The following BMPR1B variants were observed in gnomAD, a reference collection of about 807,000 sequenced individuals.
The protein encoded by BMPR1B is bone morphogenetic protein receptor type 1B, also known as bone morphogenetic protein receptor type-1B.
In BMPR1B, 12 loss-of-function variants were observed where a neutral mutation model predicts 59.1. That is an observed-to-expected ratio of 0.20 (90% confidence interval 0.13 to 0.33). The LOEUF is 0.33. Ranked by LOEUF, BMPR1B falls within the 10% of genes least tolerant of loss-of-function variation. The probability of loss-of-function intolerance (pLI) is 1.00; values close to 1 mark genes in which losing one functional copy is unlikely to be tolerated. For missense variants in BMPR1B, 550 were observed against 610.9 expected (o/e 0.90, Z 1.05); for synonymous variants, 237 against 207.3 (o/e 1.14, Z -1.23).
At chr4:94,947,233 G>A (rs1729751264) in intron 2 of BMPR1B, among the ~76,000 whole-genome samples, 1 of 152,308 alleles carries the variant, frequency 6.6e-6, no homozygotes, top group Non-Finnish European at 1.5e-5. Context: ...AACTCCAGAA[G>A]GAAATTCCAA....
chr4:94,907,317 C>G lies in BMPR1B; in HGVS notation c.-113+31417C>G, dbSNP rs143473853. Among the ~76,000 whole-genome samples the G allele has an allele frequency of 7.0e-4, 106 of 152,020 alleles. 1 individual carries two copies. In the East Asian group the frequency reaches 0.019, roughly 27 times the overall value. ...AGAAAGGCATCTTTTTGTTTTTGACCCAGAATGGCATTGCCTATAACAGGT... is the reference window on the plus strand; with the variant it reads ...AGAAAGGCATCTTTTTGTTTTTGACGCAGAATGGCATTGCCTATAACAGGT... On this transcript the variant is annotated intron_variant, in intron 2 of 12. Coordinates refer to ENST00000515059, the MANE Select transcript of BMPR1B (RefSeq NM_001203.3).
intron 1 of BMPR1B, among the ~76,000 whole-genome samples, chr4:94,834,646 G>GTGTAGTTTAGAACCTTA (rs1560506551): frequency 3.3e-5 from 5 of 151,924 alleles, no homozygotes; most frequent in Non-Finnish European, 1.5e-5. Context: ...TTGAGGATTG[G>GTGTAGTTTAGAACCTTA]TGTAGTTTAG....
rs549361208 is a variant in BMPR1B at position 95,130,286 on chromosome 4, T to C, written c.778+232T>C. ...GCTGGAAATGGAATACTCTCAAATA[T>C]TTTTTCTTCAGAAACAGGAAATGCG... On this transcript the variant is annotated intron_variant, in intron 9 of 12. Transcript: ENST00000515059. 5.9e-5 allele frequency among the ~76,000 whole-genome samples: 9 copies of C among 152,252 alleles called. No homozygotes were observed. In the East Asian group the frequency reaches 1.7e-3, roughly 29 times the overall value.
chr4:94,867,486 G>A (rs1278885019), intron 1 of BMPR1B, among the ~76,000 whole-genome samples: 1 of 152,110 alleles, frequency 6.6e-6, no homozygotes, highest in Non-Finnish European at 1.5e-5. Context: ...TTAATTCTGA[G>A]TTCTTCTACT....
chr4:94,838,928 T>C lies in BMPR1B; in HGVS notation c.-182-36903T>C, dbSNP rs1380104808. Among the ~76,000 whole-genome samples the C allele has an allele frequency of 1.4e-5, 2 of 140,638 alleles. 1 individual carries two copies. Among genetic ancestry groups the C allele is most frequent in the Non-Finnish European group, 3.1e-5 (2 of 64,050 alleles). The allele number at this position is 140,638 out of a possible 152,430, so 92.3% of individuals were successfully genotyped here. On this transcript the variant is annotated intron_variant, in intron 1 of 12. Coordinates refer to ENST00000515059, the MANE Select transcript of BMPR1B (RefSeq NM_001203.3). ...ATAAATTTCTCTCTACACACTGCTT[T>C]GAATGCGTCCCAGAGATTCTGGTAT...
At chr4:95,110,540 G>A (rs1306041557) in intron 4 of BMPR1B, among the ~76,000 whole-genome samples, 4 of 152,078 alleles carry the variant, frequency 2.6e-5, no homozygotes, top group Admixed American at 6.6e-5. Flanking sequence ...TGTATTTCAC[G>A]CTATATTCCG....
Position 94,767,017 on chromosome 4 carries a change from G to C in BMPR1B, c.-183+8949G>C, listed in dbSNP as rs187136043. On this transcript the variant is annotated intron_variant, in intron 1 of 12. Transcript: ENST00000515059. ...AAGCAGTTGGCAATTCTGTTTAAAA[G>C]ACCTGGAGTAGGTGACCTCAGGTTG... Among the ~76,000 whole-genome samples, 16 of 152,200 alleles carry C rather than the reference G, an allele frequency of 1.1e-4. No homozygotes were observed. The East Asian group carries it at 2.7e-3, about 26-fold the overall frequency.
At chr4:94,976,069 A>G (rs567564116) in intron 2 of BMPR1B, among the ~76,000 whole-genome samples, 1 of 152,174 alleles carries the variant, frequency 6.6e-6, no homozygotes, top group Non-Finnish European at 1.5e-5. Context: ...CAGCGACTAG[A>G]GTTGGAATAG....
rs1043708010 is a variant in BMPR1B, at chr4:94,858,534, A to G, written c.-182-17297A>G. Among the ~76,000 whole-genome samples, 4 of 152,320 alleles carry G rather than the reference A, an allele frequency of 2.6e-5. No homozygotes were observed. In the East Asian group the frequency reaches 7.7e-4, roughly 29 times the overall value. On this transcript the variant is annotated intron_variant, in intron 1 of 12. Transcript: ENST00000515059. Reference sequence around the variant, plus strand: ...GATGTGGCAAGAGATATTTTGACCAAATTTTTAGTGATATACATGAGTTAG... The same window carrying G: ...GATGTGGCAAGAGATATTTTGACCAGATTTTTAGTGATATACATGAGTTAG...
intron 3 of BMPR1B, among the ~76,000 whole-genome samples, chr4:95,004,599 C>T (rs1161774933): frequency 6.6e-6 from 1 of 152,116 alleles, no homozygotes; most frequent in East Asian, 1.9e-4. Flanking sequence ...ATATATTCCT[C>T]AGGTGAATAT....
At chr4:94,946,569 T>C (rs1032048661) in intron 2 of BMPR1B, among the ~76,000 whole-genome samples, 1 of 152,198 alleles carries the variant, frequency 6.6e-6, no homozygotes, top group African/African-American at 2.4e-5. Context: ...GTGGCAAGAA[T>C]TGAACCTTAA....
chr4:95,125,703 T>A (rs1159429197), intron 8 of BMPR1B, among the ~76,000 whole-genome samples: 1 of 152,206 alleles, frequency 6.6e-6, no homozygotes, highest in African/African-American at 2.4e-5. Flanking sequence ...ATTAATGAAT[T>A]AGATGCTCTT....
intron 11 of BMPR1B, among the ~76,000 whole-genome samples, chr4:95,151,172 G>A (rs1735015502): frequency 6.6e-6 from 1 of 152,160 alleles, no homozygotes; most frequent in Admixed American, 6.5e-5. Flanking sequence ...AGAGTTAAAT[G>A]GCAGCTAACA....
chr4:94,927,943 G>A (rs552421390), intron 2 of BMPR1B, among the ~76,000 whole-genome samples: 230 of 152,202 alleles, frequency 1.5e-3, no homozygotes, highest in Non-Finnish European at 2.5e-3. Flanking sequence ...AATTGGATAT[G>A]GAGGATGATA....
chr4:94,906,692 G>A (rs1376208160), intron 2 of BMPR1B, among the ~76,000 whole-genome samples: 3 of 151,958 alleles, frequency 2.0e-5, no homozygotes, highest in Admixed American at 6.6e-5. Flanking sequence ...CTTTCATTTT[G>A]TATCTCCTTG....
intron 2 of BMPR1B, among the ~76,000 whole-genome samples, chr4:94,961,024 GTCTT>G (rs1366236217): frequency 6.6e-6 from 1 of 152,148 alleles, no homozygotes; most frequent in Non-Finnish European, 1.5e-5. Flanking sequence ...AGGAGCTTGA[GTCTT>G]TCAGAATTGT....
intron 3 of BMPR1B, chr4:95,051,575 G>T: frequency 1.2e-6 from 1 of 831,202 alleles, no homozygotes; most frequent in Non-Finnish European, 1.9e-6. Context: ...TCCTGTCTCA[G>T]GGTTGCTGGC....
chr4:95,026,524 A>T (rs1724426543), intron 3 of BMPR1B, among the ~76,000 whole-genome samples: 1 of 152,044 alleles, frequency 6.6e-6, no homozygotes, highest in Admixed American at 6.6e-5. Context: ...TTTAATTTTT[A>T]GAGGCCATTA....
chr4:94,819,704 T>C (rs571117508), intron 1 of BMPR1B, among the ~76,000 whole-genome samples: 1 of 152,200 alleles, frequency 6.6e-6, no homozygotes, highest in South Asian at 2.1e-4. Flanking sequence ...ATCTGAACAC[T>C]CTTGAGATTT....
Sources: allele counts gnomAD v4.1 joint callset (sites outside exome capture counted in the v4.1 genomes callset), GRCh38; gene constraint gnomAD v4.1.1; transcripts MANE v1.5; gene names NCBI Gene and HGNC (gene_info 2026-07-23, HGNC 2026-07-21).